Variants in CNKSR2 observed in about 807,000 individuals in gnomAD.
CNKSR2 encodes the protein connector enhancer of kinase suppressor of Ras 2, also known as CNK homolog protein 2.
CNKSR2 carries 14 observed loss-of-function variants against 84.4 expected under a neutral mutation model. That is an observed-to-expected ratio of 0.17 (90% CI 0.11 to 0.26). The LOEUF (loss-of-function observed/expected upper bound fraction) is 0.26, where lower values mean the gene tolerates loss of function less well. CNKSR2 is among the 10% of genes least tolerant of loss of function. The probability of loss-of-function intolerance (pLI) is 1.00; values close to 1 mark genes in which losing one functional copy is unlikely to be tolerated. For missense variants in CNKSR2, 485 were observed against 771.2 expected, an observed-to-expected ratio of 0.63 and a Z score of 4.40; for synonymous variants, 275 against 277.9, an observed-to-expected ratio of 0.99 and a Z score of 0.10.
intron 4 of CNKSR2, among the ~76,000 whole-genome samples, chrX:21,464,911 G>A (rs150898446): frequency 0.028 from 3,128 of 111,868 alleles, 49 homozygotes; most frequent in Non-Finnish European, 0.044. Context: ...CCTAACATTG[G>A]TAGCTCTCCA....
At chrX:21,604,715 G>A (rs1055432889) in intron 18 of CNKSR2, among the ~76,000 whole-genome samples, 1 of 111,193 alleles carries the variant, frequency 9.0e-6, no homozygotes, top group African/African-American at 3.3e-5. Flanking sequence ...CACAGTTCCT[G>A]GAAATAGTGG....
chrX:21,398,166 T>A (rs1396681903), intron 1 of CNKSR2, among the ~76,000 whole-genome samples: 1 of 111,800 alleles, frequency 8.9e-6, no homozygotes, highest in Non-Finnish European at 1.9e-5. Context: ...TTATCAGTGC[T>A]TTGATAAGGT....
intron 20 of CNKSR2, among the ~76,000 whole-genome samples, chrX:21,621,655 C>T (rs1354995334): frequency 9.0e-6 from 1 of 110,728 alleles, no homozygotes; most frequent in East Asian, 2.8e-4. Flanking sequence ...TATAGATCCA[C>T]CTAATAGTAA....
rs2092728948 is a variant in CNKSR2, at chrX:21,654,683, T to C, written c.*2162T>C. On this transcript the variant is annotated 3_prime_UTR_variant, in exon 22 of 22. Transcript: ENST00000379510. ...ACTGAAGTCAAATAAATTCAGCTCT[T>C]AATGAATCCTTATAAAGCACCTACT... 8.9e-6 allele frequency: 1 copy of C among 111,734 alleles called. No homozygotes were observed. Among genetic ancestry groups the C allele is most frequent in the African/African-American group, 3.3e-5 (1 of 30,747 alleles). 9.2% of individuals were successfully genotyped at this position (111,734 alleles called of 1,213,427 possible). A position where few individuals can be genotyped will look rare whatever the true frequency, so the allele number is the denominator to read the frequency against.
intron 1 of CNKSR2, among the ~76,000 whole-genome samples, chrX:21,410,529 T>A (rs1025330716): frequency 2.7e-5 from 3 of 111,226 alleles, no homozygotes; most frequent in African/African-American, 9.8e-5. Flanking sequence ...AACAAAAAAT[T>A]GAGTATCACC....
At chrX:21,621,145 A>G (rs976925637) in intron 20 of CNKSR2, among the ~76,000 whole-genome samples, 2 of 111,268 alleles carry the variant, frequency 1.8e-5, no homozygotes, top group African/African-American at 6.5e-5. Context: ...TAGATAACTC[A>G]TCATCCTGGC....
intron 1 of CNKSR2, among the ~76,000 whole-genome samples, chrX:21,391,454 A>C (rs2090049956): frequency 1.8e-5 from 2 of 112,307 alleles, no homozygotes; most frequent in Admixed American, 1.9e-4. Flanking sequence ...GAAGCTGCCA[A>C]GGTTTACAGC....
chrX:21,642,834 G>A (rs1458557582), intron 20 of CNKSR2: 5 of 744,892 alleles, frequency 6.7e-6, no homozygotes, highest in African/African-American at 2.3e-5. Context: ...TGGAATTTGT[G>A]TCTGTGAATA....
At chrX:21,377,675 T>C (rs945617154) in intron 1 of CNKSR2, among the ~76,000 whole-genome samples, 1 of 111,662 alleles carries the variant, frequency 9.0e-6, no homozygotes, top group African/African-American at 3.3e-5. Flanking sequence ...TTATGTACTT[T>C]CTAGGGTATT....
chrX:21,458,511 G>T (rs746783268), intron 4 of CNKSR2, among the ~76,000 whole-genome samples: 1 of 112,076 alleles, frequency 8.9e-6, no homozygotes, highest in East Asian at 2.8e-4. Context: ...TACTAAAAAT[G>T]GAATAGTCCC....
chrX:21,398,921 G>A (rs2146982340), intron 1 of CNKSR2, among the ~76,000 whole-genome samples: 1 of 109,504 alleles, frequency 9.1e-6, no homozygotes, highest in African/African-American at 3.3e-5. Flanking sequence ...GTATAGTAAA[G>A]AACTTAAGAA....
intron 5 of CNKSR2, among the ~76,000 whole-genome samples, chrX:21,489,426 A>G (rs1397696618): frequency 9.0e-6 from 1 of 111,392 alleles, no homozygotes; most frequent in Non-Finnish European, 1.9e-5. Flanking sequence ...ATTGCAAAAT[A>G]ATAGTTCCTC....
At chrX:21,550,758 G>C (rs370478150) in intron 11 of CNKSR2, among the ~76,000 whole-genome samples, 1 of 111,201 alleles carries the variant, frequency 9.0e-6, no homozygotes, top group Non-Finnish European at 1.9e-5. Flanking sequence ...TGAGTTTGCC[G>C]GGCACAGGGG....
chrX:21,648,790 C>CTTTTTTTTTTTT, intron 20 of CNKSR2, 41 bp from the exon 21 acceptor site: 1 of 660,773 alleles, frequency 1.5e-6, no homozygotes, highest in South Asian at 3.8e-5. Context: ...CTCTCTCTCT[C>CTTTTTTTTTTTT]TTTCTTTTTT....
chrX:21,500,045 A>G (rs2091543331), intron 7 of CNKSR2, among the ~76,000 whole-genome samples: 1 of 111,162 alleles, frequency 9.0e-6, no homozygotes, highest in Non-Finnish European at 1.9e-5. Flanking sequence ...CAATCTTTTC[A>G]GAATTGTTTC....
chrX:21,467,916 T>G (rs2091149520), intron 4 of CNKSR2, among the ~76,000 whole-genome samples: 1 of 111,345 alleles, frequency 9.0e-6, no homozygotes, highest in Non-Finnish European at 1.9e-5. Context: ...GTTTGAAATT[T>G]GACTAGAGCA....
rs769784606 is a variant in CNKSR2, at chrX:21,606,923, C to A, written c.2145+44C>A. On this transcript the variant is annotated intron_variant, in intron 19 of 21. Transcript: ENST00000379510. ...CATTACTTATCACCAGATTCTTCTA[C>A]CTGAAACATCCTTTTGTATGTTAAA... The A allele has an allele frequency of 5.4e-5, 36 of 672,421 alleles. No homozygotes were observed. In the South Asian group the frequency reaches 1.0e-3, roughly 20 times the overall value. 55.4% of individuals were successfully genotyped at this position (672,421 alleles called of 1,213,427 possible). A position where few individuals can be genotyped will look rare whatever the true frequency, so the allele number is the denominator to read the frequency against.
At chrX:21,518,581 T>C (rs2091751987) in intron 9 of CNKSR2, among the ~76,000 whole-genome samples, 2 of 111,607 alleles carry the variant, frequency 1.8e-5, no homozygotes, top group South Asian at 7.4e-4. Context: ...CTAAAATAAT[T>C]GAAAGACCAA....
At chrX:21,565,547 C>T (rs2147195730) in intron 13 of CNKSR2, among the ~76,000 whole-genome samples, 1 of 111,199 alleles carries the variant, frequency 9.0e-6, no homozygotes, top group East Asian at 2.8e-4. Context: ...CATGGTATTT[C>T]CCAGATAGTT....
Sources: allele counts gnomAD v4.1 joint callset (sites outside exome capture counted in the v4.1 genomes callset), GRCh38; gene constraint gnomAD v4.1.1; transcripts MANE v1.5; gene names NCBI Gene and HGNC (gene_info 2026-07-23, HGNC 2026-07-21).